Variants in CLVS2 observed in about 807,000 individuals in gnomAD.
CLVS2 encodes clavesin 2.
Under a neutral mutation model 29.0 loss-of-function variants are expected in CLVS2, and 19 were observed. The observed-to-expected ratio is 0.66, with a 90% CI of 0.46 to 0.96. The LOEUF (loss-of-function observed/expected upper bound fraction) is 0.96. CLVS2 is among the 40% of genes least tolerant of loss of function. The pLI, the probability that CLVS2 is intolerant of heterozygous loss-of-function variation, is 0.00. For missense variants in CLVS2, 294 were observed against 404.1 expected, an observed-to-expected ratio of 0.73 and a Z score of 2.34; for synonymous variants, 161 against 151.3, an observed-to-expected ratio of 1.06 and a Z score of -0.47.
At chr6:123,038,741 G>A (rs765727318) in intron 3 of CLVS2, among the ~76,000 whole-genome samples, 16 of 151,176 alleles carry the variant, frequency 1.1e-4, no homozygotes, top group East Asian at 1.9e-4. Context: ...TGAAAATGCC[G>A]CTTACTGGCT....
At chr6:123,056,081 T>C in intron 5 of CLVS2, 55 bp downstream of exon 5, 2 of 1,170,972 alleles carry the variant, frequency 1.7e-6, no homozygotes, top group Non-Finnish European at 2.5e-6. Context: ...AGAGGCATCC[T>C]GAGTCAAACT....
chr6:123,063,734 C>T lies in CLVS2; in HGVS notation c.957C>T (p.Asn319=). The T allele has an allele frequency of 6.2e-7, 1 of 1,610,128 alleles. No homozygotes were observed. Among genetic ancestry groups the T allele is most frequent in the African/African-American group, 1.3e-5 (1 of 74,920 alleles). ...GCATGGATAAAAATGAGGAAGAAAA[C>T]ATGCAACCATTGCTTTCTCTGGACT... ...LKRMDKNEEE[N]MQPLLSLD The change falls in exon 6 of 6, where the codon AAC becomes AAT. Residue 319 remains asparagine (N), a synonymous_variant. Transcript: ENST00000275162.
At chr6:123,039,562 C>T (rs1246316199) in intron 3 of CLVS2, among the ~76,000 whole-genome samples, 4 of 152,100 alleles carry the variant, frequency 2.6e-5, no homozygotes, top group Non-Finnish European at 4.4e-5. Flanking sequence ...GACTTTGTGT[C>T]ACATTCTCTA....
chr6:123,047,368 G>A (rs1318433181), intron 3 of CLVS2, among the ~76,000 whole-genome samples: 7 of 151,920 alleles, frequency 4.6e-5, no homozygotes, highest in African/African-American at 1.7e-4. Context: ...AAAGAAGTAA[G>A]ACACTGGCAT....
At chr6:123,035,313 G>C (rs942057252) in intron 3 of CLVS2, among the ~76,000 whole-genome samples, 3 of 151,126 alleles carry the variant, frequency 2.0e-5, no homozygotes, top group Non-Finnish European at 2.9e-5. Context: ...CTTACCATTG[G>C]GTACACACAT....
Position 123,063,932 on chromosome 6 carries a change from G to A in CLVS2, c.*171G>A. 4.5e-6 allele frequency: 2 copies of A among 448,384 alleles called. No individual in the cohort carries two copies. The highest frequency in any genetic ancestry group is 7.9e-6 in the Non-Finnish European group (2 of 251,758). 27.8% of individuals were successfully genotyped at this position (448,384 alleles called of 1,614,324 possible). On this transcript the variant is annotated 3_prime_UTR_variant, in exon 6 of 6. Coordinates refer to ENST00000275162, the MANE Select transcript of CLVS2 (RefSeq NM_001010852.4). ...TTGGCCTGAACCATGGGGGCCCTGG[G>A]CTGGATTTTTAAAATGTCAATAATT...
intron 3 of CLVS2, among the ~76,000 whole-genome samples, chr6:123,034,486 A>G (rs1431296038): frequency 6.6e-6 from 1 of 152,180 alleles, no homozygotes; most frequent in Admixed American, 6.6e-5. Context: ...ATACTGTATC[A>G]TGTACATAAA....
chr6:123,034,825 CA>C (rs1775128606), intron 3 of CLVS2, among the ~76,000 whole-genome samples: 2 of 151,964 alleles, frequency 1.3e-5, no homozygotes, highest in South Asian at 4.2e-4. Context: ...AGAAGCCGGG[CA>C]AGGGGTGCAT....
intron 3 of CLVS2, among the ~76,000 whole-genome samples, chr6:123,034,941 G>C (rs750734470): frequency 4.6e-5 from 7 of 152,042 alleles, no homozygotes; most frequent in Non-Finnish European, 1.0e-4. Flanking sequence ...CTTTCTGACT[G>C]GTGTAAAGTA....
chr6:123,018,149 A>G (rs930586629), intron 3 of CLVS2, among the ~76,000 whole-genome samples: 3 of 152,238 alleles, frequency 2.0e-5, no homozygotes, highest in Non-Finnish European at 2.9e-5. Context: ...GAAAAACTGA[A>G]CAAAGCATAT....
chr6:123,060,354 G>A (rs553115735), intron 5 of CLVS2, among the ~76,000 whole-genome samples: 1 of 152,310 alleles, frequency 6.6e-6, no homozygotes, highest in South Asian at 2.1e-4. Flanking sequence ...CAATGCCTAA[G>A]ATAGTGCCTG....
At position 123,072,349 on chromosome 6, in the gene CLVS2, G is replaced by A. The variant is rs1673051243; in HGVS notation, c.*8588G>A. On this transcript the variant is annotated 3_prime_UTR_variant, in exon 6 of 6. Transcript: ENST00000275162. ...TCTTTTAGTGGCTTTGTAATGGGTA[G>A]GGGTTTTATTCCTCTTTGTGTGCTA... is the stretch of plus-strand genomic sequence containing the variant. 1 of 152,046 alleles carries A rather than the reference G, an allele frequency of 6.6e-6. No individual in the cohort carries two copies. The highest frequency in any genetic ancestry group is 2.1e-4 in the South Asian group (1 of 4,826). 9.4% of individuals were successfully genotyped at this position (152,046 alleles called of 1,614,324 possible).
chr6:123,033,210 CTTTAA>C (rs1027355820), intron 3 of CLVS2, among the ~76,000 whole-genome samples: 6 of 152,074 alleles, frequency 3.9e-5, no homozygotes, highest in Admixed American at 1.3e-4. Flanking sequence ...TAAAAATCAA[CTTTAA>C]TTTATCTTTT....
At chr6:123,050,750 TGA>T (rs1772599004) in intron 4 of CLVS2, among the ~76,000 whole-genome samples, 1 of 152,202 alleles carries the variant, frequency 6.6e-6, no homozygotes, top group Non-Finnish European at 1.5e-5. Context: ...TCAGTCAGAA[TGA>T]AATTTGAAGC....
At chr6:123,018,685 T>TAAA (rs386408487) in intron 3 of CLVS2, among the ~76,000 whole-genome samples, 166 of 143,274 alleles carry the variant, frequency 1.2e-3, no homozygotes, top group African/African-American at 4.0e-3. Context: ...TTTTTTTTTT[T>TAAA]AAAAAAAAGT....
rs761235283 is a variant in CLVS2 at position 123,068,732 on chromosome 6, C to T, written c.*4971C>T. ...TTTACTCAAATGTTATTAATTTTTA[C>T]TACTACAAACTACTTATTTAGTACT... is the stretch of plus-strand genomic sequence containing the variant. On this transcript the variant is annotated 3_prime_UTR_variant, in exon 6 of 6. Transcript: ENST00000275162. 8 of 151,646 alleles carry T rather than the reference C, an allele frequency of 5.3e-5. No individual in the cohort carries two copies. Among genetic ancestry groups the T allele is most frequent in the Non-Finnish European group, 1.2e-4 (8 of 67,710 alleles). 9.4% of individuals were successfully genotyped at this position (151,646 alleles called of 1,614,324 possible). A position where few individuals can be genotyped will look rare whatever the true frequency, so the allele number is the denominator to read the frequency against.
intron 3 of CLVS2, among the ~76,000 whole-genome samples, chr6:123,032,282 A>C (rs1338585786): frequency 1.3e-5 from 2 of 152,048 alleles, no homozygotes; most frequent in African/African-American, 4.8e-5. Flanking sequence ...CAGTTATCTC[A>C]CTATTTGTGC....
intron 3 of CLVS2, among the ~76,000 whole-genome samples, chr6:123,037,839 A>G (rs551395167): frequency 6.6e-6 from 1 of 152,308 alleles, no homozygotes; most frequent in East Asian, 1.9e-4. Flanking sequence ...ACTAAAATAT[A>G]AATATTAAAA....
chr6:123,072,732 C>T lies in CLVS2; in HGVS notation c.*8971C>T, dbSNP rs1772968987. On this transcript the variant is annotated 3_prime_UTR_variant, in exon 6 of 6. Transcript: ENST00000275162. The stretch of plus-strand genomic sequence containing the variant: ...ATGATTGAATTCTAAGGGTATGTTC[C>T]TTGGTAAATTGTGTTAATTATGTCC... The T allele has an allele frequency of 6.6e-6, 1 of 151,904 alleles. No homozygotes were observed. The highest frequency in any genetic ancestry group is 1.5e-5 in the Non-Finnish European group (1 of 67,948). 9.4% of individuals were successfully genotyped at this position (151,904 alleles called of 1,614,324 possible).
Sources: allele counts gnomAD v4.1 joint callset (sites outside exome capture counted in the v4.1 genomes callset), GRCh38; gene constraint gnomAD v4.1.1; transcripts MANE v1.5; gene names NCBI Gene and HGNC (gene_info 2026-07-23, HGNC 2026-07-21).